Variants in CXCL17 observed in about 807,000 individuals in gnomAD.
CXCL17 encodes the protein C-X-C motif chemokine ligand 17.
Under a neutral mutation model 15.5 loss-of-function variants are expected in CXCL17, and 9 were observed. That is an observed-to-expected ratio of 0.58 (90% confidence interval 0.35 to 1.01). The LOEUF (loss-of-function observed/expected upper bound fraction) is 1.01. CXCL17 is among the 50% of genes least tolerant of loss of function. The pLI is 0.02. For synonymous variants in CXCL17, 52 were observed against 52.3 expected (o/e 0.99, Z 0.02); for missense variants, 133 against 138.2 (o/e 0.96, Z 0.19).
At chr19:42,437,508 A>G (rs2040845470) in intron 1 of CXCL17, among the ~76,000 whole-genome samples, 1 of 152,208 alleles carries the variant, frequency 6.6e-6, no homozygotes. Context: ...CGACTTGGAC[A>G]AGTCACTTGG....
At position 42,439,938 on chromosome 19, in the gene CXCL17, A is replaced by T. The variant is rs1291610071; in HGVS notation, c.79+2816T>A. On this transcript the variant is annotated intron_variant, in intron 1 of 3. Coordinates refer to ENST00000601181, the MANE Select transcript of CXCL17 (RefSeq NM_198477.3). ...ATTAGCAAGATTTGAACATTTGTAG[A>T]TTAGTTAATATTATGGTATCAGTGC... is the stretch of plus-strand genomic sequence containing the variant. Among the ~76,000 whole-genome samples the T allele has an allele frequency of 3.3e-5, 5 of 152,308 alleles. No individual in the cohort carries two copies. The East Asian group carries it at 7.7e-4, about 24-fold the overall frequency.
chr19:42,430,061 GGA>G, intron 3 of CXCL17, among the ~76,000 whole-genome samples: 1 of 152,102 alleles, frequency 6.6e-6, no homozygotes, highest in East Asian at 1.9e-4. Flanking sequence ...CAGTTGCTGG[GGA>G]GGCTGAGGCA....
chr19:42,433,127 G>T, intron 2 of CXCL17, 50 bp from the exon 3 acceptor site: 2 of 1,316,896 alleles, frequency 1.5e-6, no homozygotes, highest in Non-Finnish European at 2.2e-6. Context: ...ACATTTGATA[G>T]GAGGGAGTAG....
chr19:42,433,850 G>T lies in CXCL17; in HGVS notation c.86C>A (p.Ala29Asp), dbSNP rs2040808202. The T allele has an allele frequency of 3.7e-6, 6 of 1,613,740 alleles. No individual in the cohort carries two copies. Among genetic ancestry groups the T allele is most frequent in the East Asian group, 2.2e-5 (1 of 44,894 alleles). The change falls in exon 2 of 4, where the codon GCC becomes GAC. Residue 29 changes from alanine to aspartate, a missense_variant. Transcript: ENST00000601181. ...CTGGCCTCGGTCCCTGTGGCCTCTGGCGACCCCTGTCGGAAGGAAACAGGT... is the reference window on the plus strand; with the variant it reads ...CTGGCCTCGGTCCCTGTGGCCTCTGTCGACCCCTGTCGGAAGGAAACAGGT... Reference protein sequence around the residue: ...MVSSSLNPGVARGHRDRGQAS... With the variant: ...MVSSSLNPGVDRGHRDRGQAS...
chr19:42,442,614 TG>T (rs553840625), intron 1 of CXCL17, 139 bp downstream of exon 1: 29 of 611,406 alleles, frequency 4.7e-5, no homozygotes, highest in African/African-American at 2.4e-4. Context: ...GCTGTTTTTT[TG>T]TAAAGGAGGA....
chr19:42,436,134 A>T (rs2040832037), intron 1 of CXCL17, among the ~76,000 whole-genome samples: 1 of 149,088 alleles, frequency 6.7e-6, no homozygotes, highest in Non-Finnish European at 1.5e-5. Context: ...GTGGTTCCTA[A>T]CACATGGTAG....
intron 2 of CXCL17, 111 bp downstream of exon 2, chr19:42,433,665 G>C: frequency 2.3e-6 from 2 of 868,724 alleles, no homozygotes; most frequent in South Asian, 2.8e-5. Context: ...TGTGGAGAGG[G>C]GAATGGGTGA....
At position 42,442,905 on chromosome 19, in the gene CXCL17, C is replaced by T; in HGVS notation, c.-73G>A. 1 of 1,148,958 alleles carries T rather than the reference C, an allele frequency of 8.7e-7. No homozygotes were observed. The highest frequency in any genetic ancestry group is 1.3e-6 in the Non-Finnish European group (1 of 777,430). The allele number at this position is 1,148,958 out of a possible 1,614,324, so 71.2% of individuals were successfully genotyped here. On this transcript the variant is annotated 5_prime_UTR_variant, in exon 1 of 4. Transcript: ENST00000601181. ...GTTCCCTGCTGGAGGCTCCTGATCC[C>T]TGGGGATGACTCAGGTCAGGATACT...
intron 3 of CXCL17, among the ~76,000 whole-genome samples, chr19:42,429,894 A>G (rs1326587073): frequency 6.6e-6 from 1 of 152,216 alleles, no homozygotes; most frequent in Non-Finnish European, 1.5e-5. Context: ...CTGGCCGGGC[A>G]TAGTGGCTTG....
chr19:42,435,632 C>T (rs774794297), intron 1 of CXCL17, among the ~76,000 whole-genome samples: 3 of 152,000 alleles, frequency 2.0e-5, no homozygotes, highest in Admixed American at 6.6e-5. Context: ...GAGTTTGAGA[C>T]CAGCCTGGCC....
intron 2 of CXCL17, 65 bp downstream of exon 2, chr19:42,433,711 G>A: frequency 7.3e-7 from 1 of 1,367,050 alleles, no homozygotes; most frequent in Admixed American, 1.7e-5. Flanking sequence ...GGTCTCAGAG[G>A]GGCCCAAGGG....
chr19:42,429,208 G>T (rs887067687), intron 3 of CXCL17, among the ~76,000 whole-genome samples: 1 of 151,956 alleles, frequency 6.6e-6, no homozygotes, highest in Admixed American at 6.6e-5. Context: ...TTGTATTTTA[G>T]TAGAGACAGG....
intron 1 of CXCL17, among the ~76,000 whole-genome samples, chr19:42,442,278 G>GGCT (rs995750711): frequency 7.4e-6 from 1 of 134,580 alleles, no homozygotes; most frequent in Non-Finnish European, 1.5e-5. Context: ...CTGTCACCCA[G>GGCT]GCTGGAGTAC....
At chr19:42,430,674 T>C (rs1048716202) in intron 3 of CXCL17, among the ~76,000 whole-genome samples, 1 of 152,000 alleles carries the variant, frequency 6.6e-6, no homozygotes, top group Non-Finnish European at 1.5e-5. Context: ...CTGCTTTCTC[T>C]CCCCCTCACA....
intron 1 of CXCL17, among the ~76,000 whole-genome samples, chr19:42,442,175 G>A (rs145802117): frequency 2.6e-5 from 4 of 151,472 alleles, no homozygotes; most frequent in Admixed American, 1.3e-4. Context: ...ACATACGTAC[G>A]TGTGTGTGAG....
Position 42,428,721 on chromosome 19 carries a change from A to G in CXCL17, c.*163T>C, listed in dbSNP as rs543141020. 4.5e-6 allele frequency: 3 copies of G among 671,682 alleles called. No individual in the cohort carries two copies. The South Asian group carries it at 5.1e-5, about 11-fold the overall frequency. 41.6% of individuals were successfully genotyped at this position (671,682 alleles called of 1,614,324 possible). A position where few individuals can be genotyped will look rare whatever the true frequency, so the allele number is the denominator to read the frequency against. On this transcript the variant is annotated 3_prime_UTR_variant, in exon 4 of 4. Coordinates refer to ENST00000601181, the MANE Select transcript of CXCL17 (RefSeq NM_198477.3). Reference sequence around the variant, plus strand: ...AGAGAAGAAGACACTAGAGAGAGCAACAAACAAAATGATCTTGAAAAACAT... The same window carrying G: ...AGAGAAGAAGACACTAGAGAGAGCAGCAAACAAAATGATCTTGAAAAACAT...
intron 1 of CXCL17, among the ~76,000 whole-genome samples, chr19:42,439,825 A>G (rs2040874356): frequency 6.6e-6 from 1 of 152,358 alleles, no homozygotes; most frequent in Non-Finnish European, 1.5e-5. Flanking sequence ...AAACTATCCC[A>G]GGTTGGAGGA....
rs1236475652 is a variant in CXCL17 at position 42,428,325 on chromosome 19, A to AT, written c.*558dup. 2 of 148,740 alleles carry AT rather than the reference A, an allele frequency of 1.3e-5. No individual in the cohort carries two copies. The highest frequency in any genetic ancestry group is 3.0e-5 in the Non-Finnish European group (2 of 67,682). 9.2% of individuals were successfully genotyped at this position (148,740 alleles called of 1,614,324 possible). A position where few individuals can be genotyped will look rare whatever the true frequency, so the allele number is the denominator to read the frequency against. On this transcript the variant is annotated 3_prime_UTR_variant, in exon 4 of 4. Coordinates refer to ENST00000601181, the MANE Select transcript of CXCL17 (RefSeq NM_198477.3). ...TCTTTAATAAGACCGTGTCTGGTTC[A>AT]TTGGTATGCTTTTTTTTTTTTGTCC...
intron 3 of CXCL17, among the ~76,000 whole-genome samples, chr19:42,430,526 G>A (rs1375912949): frequency 3.3e-5 from 5 of 150,942 alleles, no homozygotes; most frequent in African/African-American, 9.7e-5. Flanking sequence ...CCCGGGAGGC[G>A]GAGGTTGCAG....
Sources: allele counts gnomAD v4.1 joint callset (sites outside exome capture counted in the v4.1 genomes callset), GRCh38; gene constraint gnomAD v4.1.1; transcripts MANE v1.5; gene names NCBI Gene and HGNC (gene_info 2026-07-23, HGNC 2026-07-21).